Variants in ANXA4 observed in about 807,000 individuals in gnomAD.
The protein encoded by ANXA4 is annexin A4, also known as 35-beta calcimedin.
Under a neutral mutation model 49.8 loss-of-function variants are expected in ANXA4, and 39 were observed. The ratio of observed to expected loss-of-function variants is 0.78; its 90% confidence interval spans 0.61 to 1.02. The LOEUF (loss-of-function observed/expected upper bound fraction) is 1.02, where lower values mean the gene tolerates loss of function less well. Ranked by LOEUF, ANXA4 falls within the 50% of genes least tolerant of loss-of-function variation. The pLI is 0.00. For missense variants in ANXA4, 360 were observed against 410.1 expected, an observed-to-expected ratio of 0.88 and a Z score of 1.05; for synonymous variants, 134 against 152.5, an observed-to-expected ratio of 0.88 and a Z score of 0.89.
chr2:69,781,901 AG>A (rs1485820510), intron 2 of ANXA4, among the ~76,000 whole-genome samples: 1 of 152,200 alleles, frequency 6.6e-6, no homozygotes, highest in Non-Finnish European at 1.5e-5. Context: ...AAAATTCTTT[AG>A]GTTCTACCAC....
intron 1 of ANXA4, among the ~76,000 whole-genome samples, chr2:69,753,971 G>C (rs1670950984): frequency 6.6e-6 from 1 of 152,204 alleles, no homozygotes; most frequent in Non-Finnish European, 1.5e-5. Context: ...ACTGGAACTT[G>C]GTTCTTGTTC....
chr2:69,819,796 G>A (rs530040619), intron 11 of ANXA4, among the ~76,000 whole-genome samples: 8 of 152,210 alleles, frequency 5.3e-5, no homozygotes, highest in Non-Finnish European at 1.0e-4. Context: ...GGCCAGGTGC[G>A]GTGGCTCACG....
At position 69,812,584 on chromosome 2, in the gene ANXA4, T is replaced by C. The variant is rs566555393; in HGVS notation, c.478-69T>C. The C allele has an allele frequency of 5.9e-5, 81 of 1,371,082 alleles. No individual in the cohort carries two copies. In the East Asian group the frequency reaches 1.8e-3, roughly 31 times the overall value. 84.9% of individuals were successfully genotyped at this position (1,371,082 alleles called of 1,614,324 possible). ...TTGTCTCATTACTCTAGACCTGCTA[T>C]CTTAATGGTGTCCCCAGATCTTCAT... On this transcript the variant is annotated intron_variant, in intron 7 of 12. Coordinates refer to ENST00000394295, the MANE Select transcript of ANXA4 (RefSeq NM_001153.5).
intron 3 of ANXA4, among the ~76,000 whole-genome samples, chr2:69,730,554 A>G (rs1670070982): frequency 6.6e-6 from 1 of 152,184 alleles, no homozygotes; most frequent in African/African-American, 2.4e-5. Flanking sequence ...GTCTCCTTCT[A>G]AGATGGGGGT....
At chr2:69,665,870 T>G (rs1676913314) in intron 2 of ANXA4, among the ~76,000 whole-genome samples, 1 of 152,086 alleles carries the variant, frequency 6.6e-6, no homozygotes, top group Non-Finnish European at 1.5e-5. Flanking sequence ...GATAAAGAAC[T>G]CTTACAACTC....
intron 2 of ANXA4, among the ~76,000 whole-genome samples, chr2:69,694,752 G>C (rs929730021): frequency 1.3e-5 from 2 of 151,552 alleles, no homozygotes; most frequent in Non-Finnish European, 2.9e-5. Context: ...AGTCATTCTG[G>C]GTAAACTTTG....
In ANXA4 at chr2:69,732,368, G is replaced by A. The variant is rs781019093; in HGVS notation, n.864+11497G>A. On this transcript the variant is annotated intron_variant and non_coding_transcript_variant, in intron 3 of 3. Transcript: ENST00000418066. ...CGCTGTGTCTGTAGATCAGGTAAAC[G>A]AGAAGTTCTGAGAATATCTAATATC... is the stretch of plus-strand genomic sequence containing the variant. 7.9e-5 allele frequency among the ~76,000 whole-genome samples: 12 copies of A among 152,240 alleles called. No homozygotes were observed. The East Asian group carries it at 9.6e-4, about 12-fold the overall frequency.
In ANXA4 at chr2:69,668,824, G is replaced by A. The variant is rs949647715; in HGVS notation, n.766+15542G>A. Reference sequence around the variant, plus strand: ...CACGTGGTCAGTAATATTACCACATGTCCCACAAGATGGTAAACGCTGACA... The same window carrying A: ...CACGTGGTCAGTAATATTACCACATATCCCACAAGATGGTAAACGCTGACA... On this transcript the variant is annotated intron_variant and non_coding_transcript_variant, in intron 2 of 3. Coordinates refer to the ANXA4 transcript ENST00000418066. 3.9e-5 allele frequency among the ~76,000 whole-genome samples: 6 copies of A among 152,044 alleles called. No homozygotes were observed. The East Asian group carries it at 9.6e-4, about 24-fold the overall frequency.
chr2:69,812,067 T>G (rs1673727476), intron 7 of ANXA4, among the ~76,000 whole-genome samples: 1 of 151,534 alleles, frequency 6.6e-6, no homozygotes, highest in Admixed American at 6.6e-5. Flanking sequence ...GATCCTCAAG[T>G]CCCACCATAG....
chr2:69,743,420 G>A (rs1670481810), intron 1 of ANXA4, among the ~76,000 whole-genome samples: 1 of 152,166 alleles, frequency 6.6e-6, no homozygotes, highest in Non-Finnish European at 1.5e-5. Context: ...GTTTTAACAT[G>A]TTGGTCAGGC....
chr2:69,824,393 C>T (rs1405981079), intron 12 of ANXA4, among the ~76,000 whole-genome samples: 2 of 151,438 alleles, frequency 1.3e-5, no homozygotes, highest in Non-Finnish European at 2.9e-5. Flanking sequence ...GTGCCAGCTA[C>T]GCAGGCAGCT....
chr2:69,754,386 A>G (rs1670967250), intron 1 of ANXA4, among the ~76,000 whole-genome samples: 1 of 152,216 alleles, frequency 6.6e-6, no homozygotes, highest in Admixed American at 6.5e-5. Context: ...CTCAGCATGT[A>G]TCAGAATCAC....
chr2:69,678,131 A>C (rs1677470101), intron 2 of ANXA4, among the ~76,000 whole-genome samples: 1 of 152,164 alleles, frequency 6.6e-6, no homozygotes, highest in Non-Finnish European at 1.5e-5. Context: ...CTGAAACTGC[A>C]ATATCTGCGA....
At chr2:69,657,218 CTCCTGACCTTGTGA>C (rs1368440246) in intron 2 of ANXA4, among the ~76,000 whole-genome samples, 1 of 152,012 alleles carries the variant, frequency 6.6e-6, no homozygotes, top group African/African-American at 2.4e-5. Flanking sequence ...TGGTCTCAAA[CTCCTGACCTTGTGA>C]TCCACCCACC....
At chr2:69,675,324 C>T (rs184104427) in intron 2 of ANXA4, among the ~76,000 whole-genome samples, 12 of 152,268 alleles carry the variant, frequency 7.9e-5, no homozygotes, top group Admixed American at 2.0e-4. Flanking sequence ...ATTTCACTTA[C>T]GTATATGATA....
chr2:69,689,375 A>G (rs1677889628), intron 2 of ANXA4, among the ~76,000 whole-genome samples: 1 of 152,206 alleles, frequency 6.6e-6, no homozygotes, highest in African/African-American at 2.4e-5. Context: ...GACATGAGCC[A>G]CCATGACCAG....
At chr2:69,779,441 G>A (rs1281117075) in intron 1 of ANXA4, among the ~76,000 whole-genome samples, 1 of 152,112 alleles carries the variant, frequency 6.6e-6, no homozygotes, top group Non-Finnish European at 1.5e-5. Flanking sequence ...AATCTACACA[G>A]TCCATGAGTC....
At chr2:69,662,591 T>C (rs899247209) in intron 2 of ANXA4, among the ~76,000 whole-genome samples, 6 of 152,156 alleles carry the variant, frequency 3.9e-5, no homozygotes, top group Non-Finnish European at 8.8e-5. Context: ...CCTGCTTGGC[T>C]CCTAGAACTC....
chr2:69,767,968 A>T lies in ANXA4; in HGVS notation c.-46-13552A>T, dbSNP rs1671561781. Among the ~76,000 whole-genome samples, 4 of 152,100 alleles carry T rather than the reference A, an allele frequency of 2.6e-5. No individual in the cohort carries two copies. The South Asian group carries it at 8.3e-4, about 32-fold the overall frequency. On this transcript the variant is annotated intron_variant, in intron 1 of 12. Transcript: ENST00000394295. ...TATATTATGCATATTATGTAAATAT[A>T]TACATATGTACACATATATAATATT...
Sources: gnomAD v4.1 joint callset for allele counts (sites outside exome capture counted in the v4.1 genomes callset) on GRCh38, gnomAD v4.1.1 for gene constraint, MANE v1.5 for transcripts, NCBI Gene and HGNC (gene_info 2026-07-23, HGNC 2026-07-21) for gene names.